PTBP3: variants seen among roughly 807,000 people sequenced by gnomAD.
PTBP3 encodes polypyrimidine tract binding protein 3, also known as polypyrimidine tract-binding protein 3.
A neutral mutation model predicts 58.7 loss-of-function variants in PTBP3; 20 were observed. The ratio of observed to expected loss-of-function variants is 0.34; its 90% CI spans 0.24 to 0.50. The LOEUF (loss-of-function observed/expected upper bound fraction) is 0.50. Among genes scored for constraint, PTBP3 ranks in the 20% least tolerant of loss-of-function variants. The probability of loss-of-function intolerance (pLI) is 0.98; values close to 1 mark genes in which losing one functional copy is unlikely to be tolerated. For synonymous variants in PTBP3, 185 were observed against 219.8 expected, an observed-to-expected ratio of 0.84 and a Z score of 1.40; for missense variants, 509 against 637.2, an observed-to-expected ratio of 0.80 and a Z score of 2.17.
chr9:112,370,144 A>T, the PTBP3 span, among the ~76,000 whole-genome samples: 1 of 152,142 alleles, frequency 6.6e-6, no homozygotes, highest in African/African-American at 2.4e-5. Flanking sequence ...GGACTAATAC[A>T]ATGTTTCTGC....
chr9:112,318,721 C>T lies in PTBP3; in HGVS notation c.-52+14749G>A, dbSNP rs941456356. Among the ~76,000 whole-genome samples, 4 of 149,932 alleles carry T rather than the reference C, an allele frequency of 2.7e-5. No individual in the cohort carries two copies. In the East Asian group the frequency reaches 8.0e-4, roughly 30 times the overall value. ...GTTGCAGTGAGCTGACATCCCACTA[C>T]TGCTCTCCAGCCTGGGCAACAGAGT... On this transcript the variant is annotated intron_variant, in intron 1 of 13. Transcript: ENST00000374257.
Position 112,275,836 on chromosome 9 carries a change from TTACA to T in PTBP3, c.204+4_204+7del. On this transcript the variant is annotated splice_donor_5th_base_variant and intron_variant, in intron 3 of 13. Coordinates refer to ENST00000374257, the MANE Select transcript of PTBP3 (RefSeq NM_001163788.4). ...ATCACTCTTTGTCAATCTTTAAATA[TTACA>T]TACCTGGCTTTTTCCTTTCAACATC... The T allele has an allele frequency of 6.3e-7, 1 of 1,596,758 alleles. No individual in the cohort carries two copies. Among genetic ancestry groups the T allele is most frequent in the African/African-American group, 1.3e-5 (1 of 74,564 alleles).
intron 1 of PTBP3, among the ~76,000 whole-genome samples, chr9:112,331,175 T>C (rs1830359371): frequency 6.6e-6 from 1 of 151,480 alleles, no homozygotes; most frequent in South Asian, 2.1e-4. Context: ...TGTTGACTGG[T>C]GGCTTGTGGT....
At chr9:112,377,698 T>C in the PTBP3 span, among the ~76,000 whole-genome samples, 1 of 152,220 alleles carries the variant, frequency 6.6e-6, no homozygotes, top group African/African-American at 2.4e-5. Context: ...CATTTTTAGG[T>C]AGTTTTATCA....
intron 1 of PTBP3, among the ~76,000 whole-genome samples, chr9:112,329,192 C>T (rs371276616): frequency 1.3e-5 from 2 of 152,016 alleles, no homozygotes; most frequent in African/African-American, 4.8e-5. Context: ...GGGCGGATCA[C>T]CTGAGGTCAG....
intron 3 of PTBP3, among the ~76,000 whole-genome samples, chr9:112,270,401 T>C (rs1014547460): frequency 2.6e-5 from 4 of 152,242 alleles, no homozygotes; most frequent in African/African-American, 9.6e-5. Flanking sequence ...ATGTCACATT[T>C]ACTTGTATGT....
the PTBP3 span, among the ~76,000 whole-genome samples, chr9:112,354,735 C>T: frequency 6.6e-6 from 1 of 152,028 alleles, no homozygotes. Context: ...AGATGGATAG[C>T]TCAATTTGGG....
At chr9:112,330,421 G>C (rs748875404) in intron 1 of PTBP3, 5 of 1,473,696 alleles carry the variant, frequency 3.4e-6, no homozygotes, top group Non-Finnish European at 4.7e-6. Flanking sequence ...GCATATGAAA[G>C]GATAGTAAAA....
At chr9:112,231,269 G>A in intron 10 of PTBP3, 111 bp downstream of exon 10, 1 of 757,154 alleles carries the variant, frequency 1.3e-6, no homozygotes, top group Non-Finnish European at 2.0e-6. Flanking sequence ...TTTATCCTCA[G>A]TGTCAGCACA....
the PTBP3 span, among the ~76,000 whole-genome samples, chr9:112,376,102 G>A: frequency 3.4e-5 from 5 of 147,552 alleles, no homozygotes; most frequent in Non-Finnish European, 5.9e-5. Context: ...GCCTTCTCCT[G>A]TTCTGGACCC....
At chr9:112,314,608 T>C (rs1276916377) in intron 1 of PTBP3, among the ~76,000 whole-genome samples, 1 of 151,946 alleles carries the variant, frequency 6.6e-6, no homozygotes, top group Non-Finnish European at 1.5e-5. Flanking sequence ...GGCGGGAGGA[T>C]CCCTTAAGCC....
chr9:112,357,177 C>T, the PTBP3 span, among the ~76,000 whole-genome samples: 2 of 152,002 alleles, frequency 1.3e-5, no homozygotes, highest in Non-Finnish European at 2.9e-5. Flanking sequence ...CCACCGCACC[C>T]GGCCTCCCTC....
At chr9:112,318,298 TA>T (rs1270424413) in intron 1 of PTBP3, among the ~76,000 whole-genome samples, 1 of 152,084 alleles carries the variant, frequency 6.6e-6, no homozygotes, top group African/African-American at 2.4e-5. Flanking sequence ...AAAAAGGTAA[TA>T]AGTAAGTTTT....
intron 7 of PTBP3, among the ~76,000 whole-genome samples, chr9:112,238,574 T>G (rs1364321411): frequency 7.4e-6 from 1 of 135,952 alleles, no homozygotes; most frequent in Non-Finnish European, 1.6e-5. Context: ...AGAAGCCCAA[T>G]GAGCTCCAAT....
chr9:112,269,196 C>CAAAAAA (rs5899997), intron 3 of PTBP3, among the ~76,000 whole-genome samples: 1 of 91,294 alleles, frequency 1.1e-5, no homozygotes, highest in Non-Finnish European at 2.2e-5. Flanking sequence ...AACTCTGTCT[C>CAAAAAA]AAAAAAAAAA....
chr9:112,374,245 A>T, the PTBP3 span, among the ~76,000 whole-genome samples: 7 of 152,224 alleles, frequency 4.6e-5, no homozygotes, highest in African/African-American at 1.4e-4. Context: ...CAAAATGTCC[A>T]GGTGGCAATC....
the PTBP3 span, among the ~76,000 whole-genome samples, chr9:112,338,759 T>C: frequency 1.3e-5 from 2 of 152,236 alleles, no homozygotes; most frequent in African/African-American, 4.8e-5. Flanking sequence ...GTCTCCTACA[T>C]GCTCACTGAC....
Position 112,244,311 on chromosome 9 carries a change from C to A in PTBP3, c.802+6618G>T, listed in dbSNP as rs546479953. ...TCTCAAAAAAAAAAAAAAAAAAGTT[C>A]TCAGGAATAAGTGCAACAAAAAATG... On this transcript the variant is annotated intron_variant, in intron 7 of 13. Transcript: ENST00000374257. Among the ~76,000 whole-genome samples, 9 of 46,702 alleles carry A rather than the reference C, an allele frequency of 1.9e-4. No individual in the cohort carries two copies. The East Asian group carries it at 2.6e-3, about 13-fold the overall frequency. 30.6% of individuals were successfully genotyped at this position (46,702 alleles called of 152,430 possible).
At chr9:112,320,314 A>ATATATATATATATATATATAT in intron 1 of PTBP3, among the ~76,000 whole-genome samples, 27 of 75,686 alleles carry the variant, frequency 3.6e-4, no homozygotes, top group South Asian at 1.5e-3. Context: ...ATATATATAT[A>ATATATATATATATATATATAT]TTTTTTTTTA....
Sources: gnomAD v4.1 joint callset for allele counts (sites outside exome capture counted in the v4.1 genomes callset) on GRCh38, gnomAD v4.1.1 for gene constraint, MANE v1.5 for transcripts, NCBI Gene and HGNC (gene_info 2026-07-23, HGNC 2026-07-21) for gene names.